Variants in BBX observed in about 807,000 individuals in gnomAD.
BBX encodes the protein HMG box transcription factor BBX.
Under a neutral mutation model 100.2 loss-of-function variants are expected in BBX, and 30 were observed. That is an observed-to-expected ratio of 0.30 (90% CI 0.22 to 0.41). BBX has a LOEUF of 0.41. Among genes scored for constraint, BBX ranks in the 10% least tolerant of loss-of-function variants. BBX has a pLI of 1.00. For missense variants in BBX, 1,023 were observed against 1,129.8 expected (o/e 0.91, Z 1.35); for synonymous variants, 376 against 388.1 (o/e 0.97, Z 0.37).
At chr3:107,760,530 T>A (rs965775746) in intron 10 of BBX, among the ~76,000 whole-genome samples, 1 of 152,178 alleles carries the variant, frequency 6.6e-6, no homozygotes, top group Non-Finnish European at 1.5e-5. Flanking sequence ...TCTCTAGTTG[T>A]AGAGATAAGA....
chr3:107,641,365 G>A (rs1299973004), intron 2 of BBX, among the ~76,000 whole-genome samples: 1 of 152,230 alleles, frequency 6.6e-6, no homozygotes, highest in Non-Finnish European at 1.5e-5. Flanking sequence ...GATTATAGGC[G>A]TCAGCCACCA....
chr3:107,613,998 CTGGAGTGCAG>C (rs1253529948), intron 2 of BBX, among the ~76,000 whole-genome samples: 3 of 121,052 alleles, frequency 2.5e-5, no homozygotes, highest in Non-Finnish European at 1.6e-5. Flanking sequence ...TGTCACCAGG[CTGGAGTGCAG>C]TGGCGCAATC....
chr3:107,713,960 T>C (rs78701872), intron 4 of BBX, among the ~76,000 whole-genome samples: 2 of 135,666 alleles, frequency 1.5e-5, no homozygotes, highest in Non-Finnish European at 3.1e-5. Context: ...TTTTTAATAA[T>C]TTTTTTCTTT....
chr3:107,760,135 G>A (rs1486262516), intron 10 of BBX, among the ~76,000 whole-genome samples: 3 of 152,194 alleles, frequency 2.0e-5, no homozygotes, highest in Admixed American at 6.5e-5. Context: ...TGGACAATAA[G>A]TGTTAGAGCC....
At chr3:107,754,978 T>C (rs2065361474) in intron 9 of BBX, among the ~76,000 whole-genome samples, 1 of 152,246 alleles carries the variant, frequency 6.6e-6, no homozygotes, top group Non-Finnish European at 1.5e-5. Context: ...AATGTTAATG[T>C]TGTACATATG....
intron 2 of BBX, among the ~76,000 whole-genome samples, chr3:107,533,277 C>G (rs1006915122): frequency 6.6e-6 from 1 of 152,078 alleles, no homozygotes; most frequent in Non-Finnish European, 1.5e-5. Flanking sequence ...CATTAACTTC[C>G]TTGGTTGGTA....
At chr3:107,560,368 C>T (rs1171521708) in intron 2 of BBX, among the ~76,000 whole-genome samples, 2 of 152,046 alleles carry the variant, frequency 1.3e-5, no homozygotes, top group East Asian at 3.8e-4. Context: ...TCTTACTATA[C>T]TGTGGCTTAG....
At chr3:107,747,384 A>G (rs1006712390) in intron 8 of BBX, among the ~76,000 whole-genome samples, 8 of 152,164 alleles carry the variant, frequency 5.3e-5, no homozygotes, top group African/African-American at 1.9e-4. Flanking sequence ...ATAATCCTCT[A>G]AAATGCAGAT....
chr3:107,541,614 T>C (rs1458091686), intron 2 of BBX, among the ~76,000 whole-genome samples: 1 of 152,180 alleles, frequency 6.6e-6, no homozygotes, highest in African/African-American at 2.4e-5. Context: ...TTTAGGTGTA[T>C]GTTGGGATTT....
chr3:107,674,121 A>G (rs2059161972), intron 3 of BBX, among the ~76,000 whole-genome samples: 1 of 152,176 alleles, frequency 6.6e-6, no homozygotes, highest in African/African-American at 2.4e-5. Context: ...GTGTCAGTAA[A>G]TCATCTGTAG....
At chr3:107,792,551 C>T (rs1308373962) in intron 15 of BBX, among the ~76,000 whole-genome samples, 1 of 152,188 alleles carries the variant, frequency 6.6e-6, no homozygotes, top group African/African-American at 2.4e-5. Flanking sequence ...TGAGCCACAT[C>T]AGCTTCCGTG....
intron 4 of BBX, among the ~76,000 whole-genome samples, chr3:107,714,109 G>A (rs1171980455): frequency 6.6e-6 from 1 of 151,204 alleles, no homozygotes; most frequent in African/African-American, 2.4e-5. Context: ...CAGAGGAGCT[G>A]GGATTACAGG....
chr3:107,779,375 A>T (rs993138846), intron 13 of BBX, among the ~76,000 whole-genome samples: 8 of 151,988 alleles, frequency 5.3e-5, no homozygotes, highest in Non-Finnish European at 1.2e-4. Context: ...GATTTTTCTT[A>T]AGGTCTAAAG....
intron 10 of BBX, 149 bp from the exon 11 acceptor site, chr3:107,772,479 A>T: frequency 1.3e-6 from 1 of 779,574 alleles, no homozygotes; most frequent in Non-Finnish European, 1.9e-6. Context: ...GATTCATTTC[A>T]GTTAGTTTGG....
At chr3:107,589,842 G>A (rs1266382877) in intron 2 of BBX, among the ~76,000 whole-genome samples, 1 of 152,186 alleles carries the variant, frequency 6.6e-6, no homozygotes, top group Non-Finnish European at 1.5e-5. Context: ...GCAAGATCTA[G>A]CAAAACAAAA....
chr3:107,758,288 A>C (rs905434346), intron 10 of BBX, among the ~76,000 whole-genome samples: 7 of 152,210 alleles, frequency 4.6e-5, no homozygotes, highest in Admixed American at 3.3e-4. Flanking sequence ...TCCTTTACCT[A>C]TCTGACCAGG....
chr3:107,729,771 C>G (rs973703181), intron 6 of BBX, among the ~76,000 whole-genome samples: 3 of 152,058 alleles, frequency 2.0e-5, no homozygotes, highest in African/African-American at 7.2e-5. Context: ...GAGTATTGAA[C>G]TATTTGCATA....
chr3:107,807,350 T>G lies in BBX; in HGVS notation c.*1893T>G, dbSNP rs1036146409. 5.3e-5 allele frequency: 8 copies of G among 152,188 alleles called. No homozygotes were observed. Among genetic ancestry groups the G allele is most frequent in the African/African-American group, 1.9e-4 (8 of 41,444 alleles). 9.4% of individuals were successfully genotyped at this position (152,188 alleles called of 1,614,324 possible). A position where few individuals can be genotyped will look rare whatever the true frequency, so the allele number is the denominator to read the frequency against. On this transcript the variant is annotated 3_prime_UTR_variant, in exon 18 of 18. Transcript: ENST00000325805. ...CCCATTCATGTAGGAATAAATCAAG[T>G]GAGCAGTTCCAGACTTTTGCATAAT...
chr3:107,685,823 T>A (rs1307628047), intron 3 of BBX, among the ~76,000 whole-genome samples: 1 of 152,238 alleles, frequency 6.6e-6, no homozygotes, highest in African/African-American at 2.4e-5. Flanking sequence ...GGTTTTTTGT[T>A]GGTATGTACC....
Sources: gnomAD v4.1 joint callset for allele counts (sites outside exome capture counted in the v4.1 genomes callset) on GRCh38, gnomAD v4.1.1 for gene constraint, MANE v1.5 for transcripts, NCBI Gene and HGNC (gene_info 2026-07-23, HGNC 2026-07-21) for gene names.